The following UNC13C variants were observed in gnomAD, a reference collection of about 807,000 sequenced individuals.
UNC13C encodes the protein unc-13 homolog C.
A neutral mutation model predicts 245.4 loss-of-function variants in UNC13C; 174 were observed. The ratio of observed to expected loss-of-function variants is 0.71; its 90% CI spans 0.63 to 0.80. The LOEUF is 0.80. UNC13C is among the 30% of genes least tolerant of loss of function. UNC13C has a pLI of 0.00. For missense variants in UNC13C, 2,829 were observed against 2,602.9 expected, an observed-to-expected ratio of 1.09 and a Z score of -1.89; for synonymous variants, 992 against 895.1, an observed-to-expected ratio of 1.11 and a Z score of -1.93.
intron 17 of UNC13C, among the ~76,000 whole-genome samples, chr15:54,350,105 T>C (rs1428518143): frequency 3.3e-5 from 5 of 152,002 alleles, no homozygotes; most frequent in Non-Finnish European, 7.4e-5. Context: ...CAGTCTCCTG[T>C]CTCAGCCTCC....
intron 30 of UNC13C, among the ~76,000 whole-genome samples, chr15:54,575,542 T>G (rs1897922300): frequency 6.6e-6 from 1 of 151,712 alleles, no homozygotes; most frequent in Non-Finnish European, 1.5e-5. Context: ...AATATTTCAT[T>G]GGCAGAAAAA....
chr15:53,954,992 C>A, the UNC13C span, among the ~76,000 whole-genome samples: 1 of 152,066 alleles, frequency 6.6e-6, no homozygotes, highest in Non-Finnish European at 1.5e-5. Context: ...AATGAGCTGG[C>A]TAGGACGTAT....
chr15:54,431,099 T>G (rs1230228694), intron 19 of UNC13C, among the ~76,000 whole-genome samples: 2 of 151,818 alleles, frequency 1.3e-5, no homozygotes, highest in African/African-American at 4.8e-5. Flanking sequence ...GAATAATTAT[T>G]GCTGACGGAG....
At chr15:54,009,838 G>A (rs1895304710) in intron 1 of UNC13C, among the ~76,000 whole-genome samples, 1 of 152,122 alleles carries the variant, frequency 6.6e-6, no homozygotes, top group African/African-American at 2.4e-5. Flanking sequence ...CACAGCTAGT[G>A]TATCACAGAG....
intron 14 of UNC13C, among the ~76,000 whole-genome samples, chr15:54,328,419 T>C (rs973372557): frequency 6.6e-6 from 1 of 152,134 alleles, no homozygotes; most frequent in Non-Finnish European, 1.5e-5. Flanking sequence ...TGTCGTGTTC[T>C]GAATTATTTT....
chr15:54,331,287 T>C (rs969973257), intron 14 of UNC13C, among the ~76,000 whole-genome samples: 2 of 152,054 alleles, frequency 1.3e-5, no homozygotes, highest in Non-Finnish European at 2.9e-5. Flanking sequence ...TTTGTATGTG[T>C]GACTTTTATG....
At chr15:54,111,381 CT>C (rs1373232653) in intron 2 of UNC13C, among the ~76,000 whole-genome samples, 1 of 152,162 alleles carries the variant, frequency 6.6e-6, no homozygotes, top group South Asian at 2.1e-4. Flanking sequence ...GTTCATCCTT[CT>C]TTTTTAGAGA....
At chr15:53,897,447 T>C in the UNC13C span, among the ~76,000 whole-genome samples, 1 of 152,234 alleles carries the variant, frequency 6.6e-6, no homozygotes, top group East Asian at 1.9e-4. Context: ...TATTTTATTG[T>C]TTCCTTGTTT....
chr15:53,902,529 G>T, the UNC13C span, among the ~76,000 whole-genome samples: 25 of 152,238 alleles, frequency 1.6e-4, no homozygotes, highest in African/African-American at 6.0e-4. Context: ...TAATTAGGGA[G>T]AGAAGAAAAC....
intron 5 of UNC13C, among the ~76,000 whole-genome samples, chr15:54,236,056 A>G (rs8032432): frequency 0.49 from 74,534 of 151,216 alleles, 19,763 homozygotes; most frequent in African/African-American, 0.68. Context: ...TGTCTCTTCT[A>G]TCATCCAAAA....
At chr15:54,297,283 G>A (rs2140941487) in intron 11 of UNC13C, among the ~76,000 whole-genome samples, 1 of 152,204 alleles carries the variant, frequency 6.6e-6, no homozygotes, top group Non-Finnish European at 1.5e-5. Context: ...ATATCTGTAA[G>A]ACGCTTGATA....
At chr15:53,923,000 G>C in the UNC13C span, among the ~76,000 whole-genome samples, 1 of 152,158 alleles carries the variant, frequency 6.6e-6, no homozygotes, top group Non-Finnish European at 1.5e-5. Flanking sequence ...TGTTCTAGAG[G>C]CTTTCTATTA....
At position 54,628,328 on chromosome 15, in the gene UNC13C, T is replaced by C. The variant is rs1901318788; in HGVS notation, c.*1215T>C. 1 of 152,486 alleles carries C rather than the reference T, an allele frequency of 6.6e-6. No homozygotes were observed. Among genetic ancestry groups the C allele is most frequent in the African/African-American group, 2.4e-5 (1 of 41,444 alleles). 9.4% of individuals were successfully genotyped at this position (152,486 alleles called of 1,614,324 possible). The stretch of plus-strand genomic sequence containing the variant: ...AGTACTTTGTAATTATAACTTATGG[T>C]CATAACTGTTAGTGGACTACTTACA... On this transcript the variant is annotated 3_prime_UTR_variant, in exon 33 of 33. Transcript: ENST00000260323.
chr15:54,048,892 C>A, intron 2 of UNC13C: 1 of 251,940 alleles, frequency 4.0e-6, no homozygotes, highest in South Asian at 5.1e-5. Flanking sequence ...GTGTCACTGT[C>A]CACATAAACC....
At chr15:54,337,281 C>T (rs781457033) in intron 16 of UNC13C, among the ~76,000 whole-genome samples, 7 of 152,128 alleles carry the variant, frequency 4.6e-5, no homozygotes, top group East Asian at 1.9e-4. Flanking sequence ...ACTCAACCAG[C>T]GTTGTTTCTT....
the UNC13C span, among the ~76,000 whole-genome samples, chr15:53,891,947 T>A: frequency 2.6e-5 from 4 of 152,218 alleles, no homozygotes; most frequent in Non-Finnish European, 5.9e-5. Flanking sequence ...TGCAGTTTCT[T>A]CGTAGTGTTG....
intron 26 of UNC13C, among the ~76,000 whole-genome samples, chr15:54,540,003 T>G (rs541863741): frequency 7.2e-5 from 11 of 152,184 alleles, no homozygotes; most frequent in African/African-American, 2.6e-4. Context: ...AAAAGACATT[T>G]AAAACTTTTG....
intron 4 of UNC13C, among the ~76,000 whole-genome samples, chr15:54,204,358 A>G (rs12910263): frequency 0.15 from 22,285 of 149,924 alleles, 2,099 homozygotes; most frequent in Non-Finnish European, 0.2. Flanking sequence ...CATACTGTCA[A>G]TAAAGATAAA....
the UNC13C span, among the ~76,000 whole-genome samples, chr15:53,883,216 T>C: frequency 6.6e-6 from 1 of 152,194 alleles, no homozygotes; most frequent in Non-Finnish European, 1.5e-5. Context: ...GAGGCTTTAA[T>C]ATCAGCCTCA....
Sources: allele counts gnomAD v4.1 joint callset (sites outside exome capture counted in the v4.1 genomes callset), GRCh38; gene constraint gnomAD v4.1.1; transcripts MANE v1.5; gene names NCBI Gene and HGNC (gene_info 2026-07-23, HGNC 2026-07-21).